CLDN16: variants seen among roughly 807,000 people sequenced by gnomAD.
The protein encoded by CLDN16 is claudin 16.
A neutral mutation model predicts 24.6 loss-of-function variants in CLDN16; 13 were observed. The observed-to-expected ratio is 0.53, with a 90% confidence interval of 0.34 to 0.84. The LOEUF is 0.84. CLDN16 is among the 40% of genes least tolerant of loss of function. The pLI is 0.01. For missense variants in CLDN16, 298 were observed against 292.7 expected (o/e 1.02, Z -0.13); for synonymous variants, 116 against 106.7 (o/e 1.09, Z -0.54).
the CLDN16 span, chr3:190,305,734 GAA>G: frequency 6.6e-6 from 1 of 152,062 alleles, no homozygotes; most frequent in African/African-American, 2.4e-5. Context: ...ACAATTTATT[GAA>G]AAAGAGTAAT....
chr3:190,312,850 A>AG, the CLDN16 span: 1 of 1,613,020 alleles, frequency 6.2e-7, no homozygotes, highest in Non-Finnish European at 8.5e-7. Flanking sequence ...GTAAGGTGAA[A>AG]GGGGGGCACA....
At chr3:190,375,880 C>G (rs1044133147) in intron 3 of CLDN16, among the ~76,000 whole-genome samples, 2 of 101,554 alleles carry the variant, frequency 2.0e-5, no homozygotes, top group African/African-American at 4.2e-5. Context: ...CACCCCTCCC[C>G]CCACAAAAAA....
the CLDN16 span, among the ~76,000 whole-genome samples, chr3:190,316,732 C>A: frequency 1.3e-5 from 2 of 152,144 alleles, no homozygotes; most frequent in Admixed American, 6.5e-5. Flanking sequence ...ATGGATTTAT[C>A]AAATTTCAAT....
In CLDN16 at chr3:190,344,420, T is replaced by C. The variant is rs142866076; in HGVS notation, n.121+21759T>C. On this transcript the variant is annotated intron_variant and non_coding_transcript_variant, in intron 1 of 4. Coordinates refer to the CLDN16 transcript ENST00000468220. ...TAAACAGTCATTAATATTTGATAGATTTAATGTGTATATAAACTGTTCTTA... is the reference window on the plus strand; with the variant it reads ...TAAACAGTCATTAATATTTGATAGACTTAATGTGTATATAAACTGTTCTTA... Among the ~76,000 whole-genome samples the C allele has an allele frequency of 8.2e-4, 124 of 151,964 alleles. 1 individual carries two copies. The highest frequency in any genetic ancestry group is 2.8e-3 in the African/African-American group (117 of 41,544).
At chr3:190,330,952 G>A (rs1026796401) in intron 1 of CLDN16, among the ~76,000 whole-genome samples, 1 of 152,120 alleles carries the variant, frequency 6.6e-6, no homozygotes, top group Non-Finnish European at 1.5e-5. Context: ...AGAAACAACT[G>A]CTTATTCTAT....
chr3:190,321,170 AGCT>A (rs1269320192), upstream of CLDN16, among the ~76,000 whole-genome samples: 1 of 152,150 alleles, frequency 6.6e-6, no homozygotes, highest in Non-Finnish European at 1.5e-5. Flanking sequence ...TGATTTCATC[AGCT>A]ATGACTATTT....
intron 1 of CLDN16, 46 bp from the exon 2 acceptor site, chr3:190,402,291 T>C (rs1317274356): frequency 7.1e-7 from 1 of 1,412,158 alleles, no homozygotes; most frequent in East Asian, 2.3e-5. Context: ...GGAACTGAAC[T>C]GTGCCTGCAT....
chr3:190,391,121 C>CG (rs1409323854), intron 1 of CLDN16, among the ~76,000 whole-genome samples: 2 of 149,420 alleles, frequency 1.3e-5, no homozygotes, highest in African/African-American at 4.9e-5. Flanking sequence ...GTCAACGAAA[C>CG]AAGTGTTTTG....
intron 1 of CLDN16, 94 bp from the exon 2 acceptor site, chr3:190,402,243 T>C (rs1032667602): frequency 1.1e-6 from 1 of 904,056 alleles, no homozygotes; most frequent in Non-Finnish European, 1.9e-6. Context: ...CTTACTTTGC[T>C]ATCAAACACA....
intron 1 of CLDN16, among the ~76,000 whole-genome samples, chr3:190,390,673 A>G (rs1468214222): frequency 6.6e-6 from 1 of 152,166 alleles, no homozygotes; most frequent in Non-Finnish European, 1.5e-5. Context: ...ATAGAAACTT[A>G]TATTTTCCAC....
At chr3:190,348,233 G>A (rs1258272359) in intron 1 of CLDN16, among the ~76,000 whole-genome samples, 2 of 118,070 alleles carry the variant, frequency 1.7e-5, no homozygotes, top group Non-Finnish European at 3.2e-5. Context: ...CCAGCCTGGC[G>A]ACAGAGCAAG....
upstream of CLDN16, among the ~76,000 whole-genome samples, chr3:190,387,599 A>T (rs947961831): frequency 2.0e-5 from 3 of 152,174 alleles, no homozygotes; most frequent in Non-Finnish European, 4.4e-5. Context: ...CAGACCATAA[A>T]TTCAGAGCAA....
chr3:190,405,361 G>C (rs959181531), intron 3 of CLDN16, among the ~76,000 whole-genome samples: 3 of 145,012 alleles, frequency 2.1e-5, no homozygotes, highest in African/African-American at 7.8e-5. Flanking sequence ...GGAGGCGGAG[G>C]TTGCAGTGAG....
upstream of CLDN16, among the ~76,000 whole-genome samples, chr3:190,317,898 T>C (rs1716812809): frequency 6.6e-6 from 1 of 152,210 alleles, no homozygotes; most frequent in Admixed American, 6.5e-5. Flanking sequence ...ATTCCAATTC[T>C]CCCTTTGCAT....
At chr3:190,389,469 T>C (rs945222097) in intron 1 of CLDN16, among the ~76,000 whole-genome samples, 1 of 152,194 alleles carries the variant, frequency 6.6e-6, no homozygotes, top group African/African-American at 2.4e-5. Flanking sequence ...CAAATTGGAG[T>C]TCCAAATGGA....
rs1376354921 is a variant in CLDN16, at chr3:190,410,742, C to T, written c.*706C>T. On this transcript the variant is annotated 3_prime_UTR_variant, in exon 5 of 5. Coordinates refer to ENST00000264734, the MANE Select transcript of CLDN16 (RefSeq NM_006580.4). ...TTATTTCACCACTATTCTAGCTTTGCTGATATATTGCCAAATGATTAGACT... is the reference window on the plus strand; with the variant it reads ...TTATTTCACCACTATTCTAGCTTTGTTGATATATTGCCAAATGATTAGACT... 6.6e-6 allele frequency: 1 copy of T among 152,114 alleles called. No individual in the cohort carries two copies. The highest frequency in any genetic ancestry group is 1.5e-5 in the Non-Finnish European group (1 of 68,064). The allele number at this position is 152,114 out of a possible 1,614,324, so 9.4% of individuals were successfully genotyped here.
intron 2 of CLDN16, among the ~76,000 whole-genome samples, chr3:190,404,404 C>G (rs1719037083): frequency 6.6e-6 from 1 of 152,158 alleles, no homozygotes; most frequent in African/African-American, 2.4e-5. Context: ...GACAGATATG[C>G]TACCTTCGAT....
At chr3:190,408,678 C>T (rs1210920507) in intron 4 of CLDN16, among the ~76,000 whole-genome samples, 173 bp downstream of exon 4, 1 of 150,484 alleles carries the variant, frequency 6.6e-6, no homozygotes, top group Non-Finnish European at 1.5e-5. Context: ...ACATTATTAC[C>T]CAGTTAGTTC....
At chr3:190,302,136 G>A in the CLDN16 span, among the ~76,000 whole-genome samples, 3 of 151,960 alleles carry the variant, frequency 2.0e-5, no homozygotes, top group South Asian at 4.2e-4. Context: ...TGTTATTTCC[G>A]GAATACTTTC....
Sources: gnomAD v4.1 joint callset for allele counts (sites outside exome capture counted in the v4.1 genomes callset) on GRCh38, gnomAD v4.1.1 for gene constraint, MANE v1.5 for transcripts, NCBI Gene and HGNC (gene_info 2026-07-23, HGNC 2026-07-21) for gene names.